DIAPH3: variants seen among roughly 807,000 people sequenced by gnomAD.
The protein encoded by DIAPH3 is protein diaphanous homolog 3.
DIAPH3 carries 117 observed loss-of-function variants against 144.3 expected under a neutral mutation model. That is an observed-to-expected ratio of 0.81 (90% CI 0.70 to 0.95). The LOEUF (loss-of-function observed/expected upper bound fraction) is 0.95. Among genes scored for constraint, DIAPH3 ranks in the 40% least tolerant of loss-of-function variants. DIAPH3 has a pLI of 0.00. For synonymous variants in DIAPH3, 519 were observed against 488.9 expected, an observed-to-expected ratio of 1.06 and a Z score of -0.81; for missense variants, 1,421 against 1,412.7, an observed-to-expected ratio of 1.01 and a Z score of -0.09.
intron 27 of DIAPH3, among the ~76,000 whole-genome samples, chr13:59,678,320 G>A (rs2032753719): frequency 6.6e-6 from 1 of 151,972 alleles, no homozygotes; most frequent in South Asian, 2.1e-4. Flanking sequence ...TAGAAAATGA[G>A]TGAAAAAAAG....
intron 1 of DIAPH3, among the ~76,000 whole-genome samples, chr13:60,157,998 C>G (rs1398429343): frequency 6.6e-6 from 1 of 152,210 alleles, no homozygotes; most frequent in Non-Finnish European, 1.5e-5. Flanking sequence ...ACTCTGCCCT[C>G]TGGTTTTTTA....
intron 21 of DIAPH3, among the ~76,000 whole-genome samples, chr13:59,871,227 C>T (rs1190405302): frequency 6.7e-6 from 1 of 150,128 alleles, no homozygotes; most frequent in Non-Finnish European, 1.5e-5. Flanking sequence ...TCTACACAGA[C>T]AATCATTTCA....
chr13:59,958,867 C>CTTTTTTT (rs932649097), intron 17 of DIAPH3, among the ~76,000 whole-genome samples: 12 of 94,346 alleles, frequency 1.3e-4, no homozygotes, highest in East Asian at 4.1e-4. Context: ...CTTCAATAAA[C>CTTTTTTT]TTTTTTTTTT....
chr13:60,065,321 T>C lies in DIAPH3; in HGVS notation c.496-22501A>G, dbSNP rs568371222. Among the ~76,000 whole-genome samples the C allele has an allele frequency of 2.8e-5, 4 of 143,222 alleles. No individual in the cohort carries two copies. In the South Asian group the frequency reaches 9.0e-4, roughly 32 times the overall value. 94.0% of individuals were successfully genotyped at this position (143,222 alleles called of 152,430 possible). A position where few individuals can be genotyped will look rare whatever the true frequency, so the allele number is the denominator to read the frequency against. ...TAAAGCAAGGCATAATAAAACAAGG[T>C]ACACCTATATTAATAATAGTAAAAC... is the stretch of plus-strand genomic sequence containing the variant. On this transcript the variant is annotated intron_variant, in intron 4 of 27. Transcript: ENST00000400324.
intron 1 of DIAPH3, among the ~76,000 whole-genome samples, chr13:60,153,182 C>T (rs1951880532): frequency 6.6e-6 from 1 of 152,040 alleles, no homozygotes; most frequent in East Asian, 1.9e-4. Context: ...AGCTCTTCCA[C>T]TTAGGAAGAG....
chr13:60,104,923 G>A lies in DIAPH3; in HGVS notation c.390+7087C>T, dbSNP rs186298212. 4.3e-3 allele frequency among the ~76,000 whole-genome samples: 653 copies of A among 151,858 alleles called. 2 individuals carry two copies. The highest frequency in any genetic ancestry group is 0.011 in the African/African-American group (472 of 41,414). ...ATCCTGGCTAACACGGTGAAACCCCGTCTCTGCTAAAAATACAAAAAAATT... is the reference window on the plus strand; with the variant it reads ...ATCCTGGCTAACACGGTGAAACCCCATCTCTGCTAAAAATACAAAAAAATT... On this transcript the variant is annotated intron_variant, in intron 3 of 27. Coordinates refer to ENST00000400324, the MANE Select transcript of DIAPH3 (RefSeq NM_001042517.2).
intron 3 of DIAPH3, among the ~76,000 whole-genome samples, chr13:60,103,967 T>TA (rs907209634): frequency 4.3e-4 from 65 of 151,230 alleles, no homozygotes; most frequent in Non-Finnish European, 5.8e-4. Context: ...TAGTGCCAAA[T>TA]AAAAAAAAAC....
chr13:59,756,466 AAAG>A (rs2139155177), intron 27 of DIAPH3, among the ~76,000 whole-genome samples: 1 of 147,462 alleles, frequency 6.8e-6, no homozygotes, highest in East Asian at 2.0e-4. Flanking sequence ...GGAAGGAAGG[AAAG>A]AAGGAAGGAA....
intron 27 of DIAPH3, among the ~76,000 whole-genome samples, chr13:59,746,238 T>G (rs2036696785): frequency 1.3e-5 from 2 of 152,088 alleles, no homozygotes; most frequent in Admixed American, 1.3e-4. Context: ...GTTTGTTTAT[T>G]TTGAGACAGA....
At chr13:59,803,000 C>T (rs892202905) in intron 25 of DIAPH3, among the ~76,000 whole-genome samples, 2 of 152,130 alleles carry the variant, frequency 1.3e-5, no homozygotes, top group Non-Finnish European at 2.9e-5. Context: ...TATTATGAAT[C>T]AGCAAAATTT....
chr13:59,929,773 G>T (rs2047935397), intron 17 of DIAPH3, among the ~76,000 whole-genome samples: 5 of 150,854 alleles, frequency 3.3e-5, no homozygotes, highest in Admixed American at 3.3e-4. Flanking sequence ...GTTTCACCAT[G>T]TTGACCAGGT....
chr13:59,816,286 T>C (rs2040769808), intron 24 of DIAPH3, among the ~76,000 whole-genome samples: 1 of 152,048 alleles, frequency 6.6e-6, no homozygotes, highest in Non-Finnish European at 1.5e-5. Context: ...CTAGGCCAAG[T>C]ATTTATTTCA....
At chr13:59,966,200 C>T (rs761130358) in intron 17 of DIAPH3, among the ~76,000 whole-genome samples, 2 of 152,104 alleles carry the variant, frequency 1.3e-5, no homozygotes, top group South Asian at 4.1e-4. Context: ...AGGTACTTTC[C>T]CACAGAAGCG....
intron 25 of DIAPH3, among the ~76,000 whole-genome samples, chr13:59,795,445 T>C (rs535717816): frequency 7.3e-5 from 11 of 150,922 alleles, no homozygotes; most frequent in Admixed American, 2.7e-4. Context: ...AGGTATATCA[T>C]TCTCTCTCTC....
chr13:59,817,867 T>C (rs906387652), intron 24 of DIAPH3, among the ~76,000 whole-genome samples: 2 of 151,980 alleles, frequency 1.3e-5, no homozygotes, highest in Admixed American at 1.3e-4. Context: ...TCTCCCTTTC[T>C]CCCTTGACTA....
intron 4 of DIAPH3, among the ~76,000 whole-genome samples, chr13:60,089,059 G>A (rs1441319865): frequency 1.3e-5 from 2 of 152,096 alleles, no homozygotes; most frequent in Admixed American, 1.3e-4. Flanking sequence ...AGTCTCCCAT[G>A]ACCCCCATCA....
chr13:60,112,652 T>C (rs961277591), intron 2 of DIAPH3, among the ~76,000 whole-genome samples: 2 of 152,194 alleles, frequency 1.3e-5, no homozygotes, highest in African/African-American at 2.4e-5. Flanking sequence ...TAGGAATTTT[T>C]AGGAATTGAA....
chr13:60,060,504 C>G (rs559051752), intron 4 of DIAPH3, among the ~76,000 whole-genome samples: 4 of 152,022 alleles, frequency 2.6e-5, no homozygotes, highest in Admixed American at 6.6e-5. Flanking sequence ...GAAGAAAGTA[C>G]TCACCCATAG....
intron 5 of DIAPH3, among the ~76,000 whole-genome samples, chr13:60,018,294 A>G (rs1029952536): frequency 6.6e-6 from 1 of 152,194 alleles, no homozygotes; most frequent in Non-Finnish European, 1.5e-5. Context: ...ACTGCCTCAC[A>G]CCAAAATAGG....
Sources: allele counts gnomAD v4.1 joint callset (sites outside exome capture counted in the v4.1 genomes callset), GRCh38; gene constraint gnomAD v4.1.1; transcripts MANE v1.5; gene names NCBI Gene and HGNC (gene_info 2026-07-23, HGNC 2026-07-21).